ZNF644: variants seen among roughly 807,000 people sequenced by gnomAD.
ZNF644 encodes zinc finger protein 644.
In ZNF644, 20 loss-of-function variants were observed where a neutral mutation model predicts 108.0. The ratio of observed to expected loss-of-function variants is 0.19; its 90% confidence interval spans 0.13 to 0.27. The LOEUF (loss-of-function observed/expected upper bound fraction) is 0.27. Ranked by LOEUF, ZNF644 falls within the 10% of genes least tolerant of loss-of-function variation. The pLI is 1.00. For synonymous variants in ZNF644, 542 were observed against 539.1 expected (o/e 1.01, Z -0.08); for missense variants, 1,338 against 1,548.9 (o/e 0.86, Z 2.29).
Position 91,002,091 on chromosome 1 carries a change from T to C in ZNF644, c.-17-19721A>G, listed in dbSNP as rs1658900157. ...ATAGGAAGAATCAGTATCGGGAAAA[T>C]GGCCATACTGCCCAAGGTAATTTAT... On this transcript the variant is annotated intron_variant, in intron 1 of 5. Coordinates refer to ENST00000337393, the MANE Select transcript of ZNF644 (RefSeq NM_201269.3). Among the ~76,000 whole-genome samples the C allele has an allele frequency of 3.3e-5, 5 of 152,170 alleles. No homozygotes were observed. In the South Asian group the frequency reaches 1.0e-3, roughly 32 times the overall value.
intron 2 of ZNF644, among the ~76,000 whole-genome samples, chr1:90,961,628 T>TA (rs1234796230): frequency 9.2e-5 from 14 of 152,114 alleles, no homozygotes; most frequent in Non-Finnish European, 1.8e-4. Flanking sequence ...TTAAAACATG[T>TA]AAAACAATGG....
chr1:90,917,127 G>A (rs879413032), intron 5 of ZNF644, 137 bp from the exon 6 acceptor site: 1 of 901,170 alleles, frequency 1.1e-6, no homozygotes, highest in Non-Finnish European at 1.7e-6. Context: ...AAAGTCAAAT[G>A]ATTTAATAAA....
At chr1:90,970,819 G>A (rs1030023772) in intron 2 of ZNF644, among the ~76,000 whole-genome samples, 2 of 151,960 alleles carry the variant, frequency 1.3e-5, no homozygotes, top group Non-Finnish European at 2.9e-5. Flanking sequence ...GGCCAACATG[G>A]TGAAACCCTG....
chr1:90,966,011 A>G (rs1044843401), intron 2 of ZNF644, among the ~76,000 whole-genome samples: 4 of 152,162 alleles, frequency 2.6e-5, no homozygotes, highest in Admixed American at 2.6e-4. Flanking sequence ...TCGGCCTCCC[A>G]AAGTGCCTGG....
chr1:90,953,384 T>C (rs1481782222), intron 2 of ZNF644, among the ~76,000 whole-genome samples: 1 of 147,344 alleles, frequency 6.8e-6, no homozygotes, highest in Non-Finnish European at 1.5e-5. Flanking sequence ...GCCTATGGGG[T>C]AGGGGGTGAA....
At chr1:90,969,982 C>T in intron 2 of ZNF644, among the ~76,000 whole-genome samples, 1 of 152,184 alleles carries the variant, frequency 6.6e-6, no homozygotes, top group East Asian at 1.9e-4. Flanking sequence ...CTGTGATATA[C>T]ATGAATATTT....
intron 1 of ZNF644, among the ~76,000 whole-genome samples, chr1:91,011,164 A>G (rs1659928429): frequency 6.6e-6 from 1 of 152,188 alleles, no homozygotes; most frequent in South Asian, 2.1e-4. Context: ...ATACTTCACA[A>G]AAGCTACAAT....
rs574304262 is a variant in ZNF644 at position 90,917,254 on chromosome 1, AAAC to A, written c.3792-267_3792-265del. Reference sequence around the variant, plus strand: ...ACATCTACACATCTTAATTCACTTGAAACAACAACTATTACTCCAAAATATGTC... The same window carrying A: ...ACATCTACACATCTTAATTCACTTGAAACAACTATTACTCCAAAATATGTC... On this transcript the variant is annotated intron_variant, in intron 5 of 5. Coordinates refer to ENST00000337393, the MANE Select transcript of ZNF644 (RefSeq NM_201269.3). Among the ~76,000 whole-genome samples the A allele has an allele frequency of 1.0e-3, 154 of 152,330 alleles. 1 individual carries two copies. The highest frequency in any genetic ancestry group is 3.5e-3 in the African/African-American group (147 of 41,590).
At chr1:90,990,278 C>G (rs1270541945) in intron 1 of ZNF644, among the ~76,000 whole-genome samples, 2 of 152,068 alleles carry the variant, frequency 1.3e-5, no homozygotes, top group Non-Finnish European at 2.9e-5. Flanking sequence ...TACTTAAAAA[C>G]AGTTAAGATG....
intron 1 of ZNF644, among the ~76,000 whole-genome samples, chr1:91,008,629 T>C (rs1379701314): frequency 6.6e-6 from 1 of 152,196 alleles, no homozygotes; most frequent in African/African-American, 2.4e-5. Flanking sequence ...AAACCCCATT[T>C]TTCAGAGATG....
chr1:90,961,652 A>G (rs566347498), intron 2 of ZNF644, among the ~76,000 whole-genome samples: 1 of 152,188 alleles, frequency 6.6e-6, no homozygotes, highest in Non-Finnish European at 1.5e-5. Context: ...TCTTCTCACT[A>G]AATTTTGTTC....
At chr1:90,952,049 A>G (rs1269851499) in intron 2 of ZNF644, among the ~76,000 whole-genome samples, 1 of 152,088 alleles carries the variant, frequency 6.6e-6, no homozygotes. Flanking sequence ...CTCTCTCTCC[A>G]TATTTCTCTC....
chr1:91,020,135 G>A (rs1660768806), intron 1 of ZNF644, among the ~76,000 whole-genome samples: 1 of 152,016 alleles, frequency 6.6e-6, no homozygotes, highest in African/African-American at 2.4e-5. Flanking sequence ...TGCTTCCACT[G>A]TAAAACTTTA....
Position 90,993,182 on chromosome 1 carries a change from T to C in ZNF644, c.-17-10812A>G, listed in dbSNP as rs190007942. Among the ~76,000 whole-genome samples the C allele has an allele frequency of 3.1e-3, 471 of 152,194 alleles. 5 individuals are homozygous for C. The highest frequency in any genetic ancestry group is 0.011 in the African/African-American group (451 of 41,508). On this transcript the variant is annotated intron_variant, in intron 1 of 5. Coordinates refer to ENST00000337393, the MANE Select transcript of ZNF644 (RefSeq NM_201269.3). ...AGCTTAGGCTTCAAGAGACATTGTA[T>C]ACTTCTGCTCTTTCCTTCAAAACCT...
intron 2 of ZNF644, among the ~76,000 whole-genome samples, chr1:90,952,982 A>G (rs911090170): frequency 1.3e-5 from 2 of 151,550 alleles, no homozygotes; most frequent in Admixed American, 1.3e-4. Context: ...GAAAAAAAGA[A>G]TACCTATAAA....
intron 2 of ZNF644, among the ~76,000 whole-genome samples, chr1:90,964,707 A>G (rs1654666714): frequency 6.6e-6 from 1 of 152,174 alleles, no homozygotes; most frequent in Admixed American, 6.5e-5. Context: ...ATACTGGAAT[A>G]TTATACTGGA....
chr1:90,974,046 T>C (rs1655760197), intron 2 of ZNF644, among the ~76,000 whole-genome samples: 2 of 152,148 alleles, frequency 1.3e-5, no homozygotes, highest in South Asian at 2.1e-4. Context: ...GGTGTCCGTA[T>C]AGATGTGTCA....
chr1:90,925,143 T>G (rs989798093), intron 4 of ZNF644, among the ~76,000 whole-genome samples: 2 of 152,120 alleles, frequency 1.3e-5, no homozygotes, highest in African/African-American at 4.8e-5. Context: ...TATGCAAGAT[T>G]TACCAGGCCC....
intron 2 of ZNF644, among the ~76,000 whole-genome samples, chr1:90,960,886 C>T (rs568091125): frequency 6.6e-6 from 1 of 152,164 alleles, no homozygotes; most frequent in East Asian, 1.9e-4. Flanking sequence ...GTAACATCCT[C>T]ATTAAAAGAA....
Sources: gnomAD v4.1 joint callset for allele counts (sites outside exome capture counted in the v4.1 genomes callset) on GRCh38, gnomAD v4.1.1 for gene constraint, MANE v1.5 for transcripts, NCBI Gene and HGNC (gene_info 2026-07-23, HGNC 2026-07-21) for gene names.